Variants in BRF1 observed in about 807,000 individuals in gnomAD.
The protein encoded by BRF1 is transcription factor IIIB 90 kDa subunit.
In BRF1, 59 loss-of-function variants were observed where a neutral mutation model predicts 81.7. That is an observed-to-expected ratio of 0.72 (90% CI 0.59 to 0.90). BRF1 has a LOEUF of 0.90. Among genes scored for constraint, BRF1 ranks in the 40% least tolerant of loss-of-function variants. The pLI is 0.00. For missense variants in BRF1, 1,050 were observed against 936.3 expected, an observed-to-expected ratio of 1.12 and a Z score of -1.58; for synonymous variants, 491 against 395.6, an observed-to-expected ratio of 1.24 and a Z score of -2.86.
rs2816627 is a variant in BRF1 at position 105,269,772 on chromosome 14, A to G, written c.439+2949T>C. ...CATCTGTCCCCCCCACAGGAGGCCC[A>G]GTGAGGCAGCAGCATGGACGTGGTT... On this transcript the variant is annotated intron_variant, in intron 3 of 17. Transcript: ENST00000547530. This position sits in a 1 kb window ranked among gnomAD's most constrained non-coding sequence, Gnocchi z 5.0. Among the ~76,000 whole-genome samples the G allele has an allele frequency of 0.29, 44,451 of 152,054 alleles. 6,727 individuals carry two copies. The highest frequency in any genetic ancestry group is 0.32 in the African/African-American group (13,281 of 41,482).
chr14:105,265,782 TC>T (rs1260104229), intron 3 of BRF1, among the ~76,000 whole-genome samples: 1 of 151,718 alleles, frequency 6.6e-6, no homozygotes, highest in Non-Finnish European at 1.5e-5. Context: ...GCACCTGTAT[TC>T]CCAGCTACTC....
chr14:105,296,724 G>A (rs1454286896), intron 1 of BRF1, among the ~76,000 whole-genome samples: 1 of 149,484 alleles, frequency 6.7e-6, no homozygotes, highest in East Asian at 2.0e-4. Context: ...GAACAAGTAA[G>A]TTTAGCAAAG....
intron 12 of BRF1, 98 bp downstream of exon 12, chr14:105,219,971 C>T (rs1358196050): frequency 9.4e-6 from 13 of 1,382,670 alleles, no homozygotes; most frequent in Non-Finnish European, 1.2e-5. Flanking sequence ...GGGCTCTGGG[C>T]AGGGGAGGTG....
At chr14:105,217,168 G>C in intron 15 of BRF1, 1 of 336,306 alleles carries the variant, frequency 3.0e-6, no homozygotes, top group South Asian at 4.1e-5. Flanking sequence ...CAGCAGAGAC[G>C]GCAATGCAGC....
intron 15 of BRF1, among the ~76,000 whole-genome samples, chr14:105,213,760 G>A (rs1005711280): frequency 2.6e-5 from 4 of 152,198 alleles, no homozygotes; most frequent in African/African-American, 7.2e-5. Flanking sequence ...CCTCACCCTG[G>A]GGGGCCAGAA....
chr14:105,229,708 G>A (rs587766397), intron 6 of BRF1, among the ~76,000 whole-genome samples: 4 of 124,762 alleles, frequency 3.2e-5, no homozygotes, highest in Admixed American at 8.3e-5. Context: ...AGGAGAGAGA[G>A]GCCACACCAC....
At chr14:105,248,974 C>T in intron 5 of BRF1, 7 of 983,686 alleles carry the variant, frequency 7.1e-6, no homozygotes, top group Non-Finnish European at 8.4e-6. Context: ...CGCAGCCCGC[C>T]CAGCGCCCCC....
rs1889895031 is a variant in BRF1 at position 105,210,051 on chromosome 14, G to A, written c.*500C>T. 1.4e-5 allele frequency: 3 copies of A among 220,508 alleles called. No homozygotes were observed. The highest frequency in any genetic ancestry group is 1.1e-4 in the South Asian group (1 of 9,492). 13.7% of individuals were successfully genotyped at this position (220,508 alleles called of 1,614,324 possible). Reference sequence around the variant, plus strand: ...CCAGATCCTCAGCTCCCACGGCTGCGCCGGACACCTGCAGGGCTCTGGCTT... The same window carrying A: ...CCAGATCCTCAGCTCCCACGGCTGCACCGGACACCTGCAGGGCTCTGGCTT... On this transcript the variant is annotated 3_prime_UTR_variant, in exon 18 of 18. Transcript: ENST00000547530. The surrounding 1 kb of genome is among the most constrained non-coding windows in gnomAD (Gnocchi z 4.7).
intron 6 of BRF1, among the ~76,000 whole-genome samples, chr14:105,229,675 C>G (rs2054421987): frequency 1.3e-5 from 2 of 149,320 alleles, no homozygotes; most frequent in South Asian, 4.2e-4. Context: ...GTGGCACCCT[C>G]AGGAGCAACA....
At chr14:105,213,871 T>C (rs1340109798) in intron 15 of BRF1, among the ~76,000 whole-genome samples, 6 of 152,146 alleles carry the variant, frequency 3.9e-5, no homozygotes, top group Admixed American at 2.6e-4. Flanking sequence ...GCTGGGGGCC[T>C]GTCTCAAGGG....
At chr14:105,245,480 G>A (rs909306505) in intron 5 of BRF1, among the ~76,000 whole-genome samples, 2 of 152,100 alleles carry the variant, frequency 1.3e-5, no homozygotes, top group African/African-American at 4.8e-5. Context: ...AGAAAAAGAA[G>A]CAAATAAATT....
intron 2 of BRF1, among the ~76,000 whole-genome samples, chr14:105,281,146 A>G (rs1414839451): frequency 1.5e-5 from 2 of 135,504 alleles, no homozygotes; most frequent in Non-Finnish European, 3.1e-5. Flanking sequence ...GTGTGTGGAT[A>G]CAGGCTGCGT....
chr14:105,258,129 A>AG lies in BRF1; in HGVS notation c.440-1581dup, dbSNP rs587728567. Among the ~76,000 whole-genome samples the AG allele has an allele frequency of 1.1e-4, 17 of 152,346 alleles. No homozygotes were observed. The East Asian group carries it at 3.3e-3, about 29-fold the overall frequency. On this transcript the variant is annotated intron_variant, in intron 3 of 17. Coordinates refer to ENST00000547530, the MANE Select transcript of BRF1 (RefSeq NM_001519.4). Reference sequence around the variant, plus strand: ...ATAACATAGGGAAATTGGGGATTGAAGGGGGTGTATGGGAACTCTGTACTT... The same window carrying AG: ...ATAACATAGGGAAATTGGGGATTGAAGGGGGGTGTATGGGAACTCTGTACTT...
At chr14:105,260,090 C>CG (rs1215719718) in intron 3 of BRF1, among the ~76,000 whole-genome samples, 2 of 152,142 alleles carry the variant, frequency 1.3e-5, no homozygotes, top group Non-Finnish European at 2.9e-5. Flanking sequence ...TCTGGGCTGA[C>CG]GGGTGACCGT....
chr14:105,286,630 G>T (rs1356490098), intron 1 of BRF1, among the ~76,000 whole-genome samples: 1 of 151,968 alleles, frequency 6.6e-6, no homozygotes. Context: ...TTTTGAGACG[G>T]AGTCTCCCTC....
chr14:105,251,696 A>T (rs988548248), intron 5 of BRF1, among the ~76,000 whole-genome samples: 1 of 152,070 alleles, frequency 6.6e-6, no homozygotes, highest in Non-Finnish European at 1.5e-5. Flanking sequence ...CCCAAAGGAC[A>T]TACGCTCCTA....
intron 7 of BRF1, 112 bp from the exon 8 acceptor site, chr14:105,226,872 C>G: frequency 6.5e-7 from 1 of 1,537,348 alleles, no homozygotes; most frequent in Non-Finnish European, 8.8e-7. Flanking sequence ...GCTTTGGGAG[C>G]CCAAGGTGGG....
At chr14:105,249,075 C>T (rs1366798254) in intron 5 of BRF1, 4 of 1,385,862 alleles carry the variant, frequency 2.9e-6, no homozygotes, top group Non-Finnish European at 2.8e-6. Context: ...CCGCCCCACG[C>T]TGCGCGAGAG....
chr14:105,221,770 C>G lies in BRF1; in HGVS notation c.1193G>C (p.Ser398Thr). 1.2e-6 allele frequency: 2 copies of G among 1,611,658 alleles called. No homozygotes were observed. The highest frequency in any genetic ancestry group is 2.2e-5 in the South Asian group (2 of 90,982). ...GAPGSSEAAGSPEWGGRPPAL... is the reference protein window; with the variant it reads ...GAPGSSEAAGTPEWGGRPPAL... ...CGGAGGTCTGCCGCCCCACTCGGGG[C>G]TTCCTGCTGCTTCCGAGCTGCCGGG... Residue 398 changes from serine to threonine, a missense_variant, in exon 11 of 18, where the codon AGC becomes ACC. Transcript: ENST00000547530.
Sources: allele counts gnomAD v4.1 joint callset (sites outside exome capture counted in the v4.1 genomes callset), GRCh38; gene constraint gnomAD v4.1.1; non-coding constraint Gnocchi (gnomAD v3.1); transcripts MANE v1.5; gene names NCBI Gene and HGNC (gene_info 2026-07-23, HGNC 2026-07-21).